The following SVOPL variants were observed in gnomAD, a reference collection of about 807,000 sequenced individuals.
SVOPL encodes SVOP like.
SVOPL carries 60 observed loss-of-function variants against 61.0 expected under a neutral mutation model. The observed-to-expected ratio is 0.98, with a 90% confidence interval of 0.80 to 1.22. SVOPL has a LOEUF of 1.22. SVOPL is among the 50% of genes most tolerant of loss of function. The pLI, the probability that SVOPL is intolerant of heterozygous loss-of-function variation, is 0.00. For synonymous variants in SVOPL, 279 were observed against 250.0 expected, an observed-to-expected ratio of 1.12 and a Z score of -1.09; for missense variants, 662 against 643.9, an observed-to-expected ratio of 1.03 and a Z score of -0.30.
chr7:138,616,642 C>T (rs924604586), intron 14 of SVOPL, among the ~76,000 whole-genome samples: 1 of 152,028 alleles, frequency 6.6e-6, no homozygotes, highest in Admixed American at 6.6e-5. Flanking sequence ...GGCCCTGAAT[C>T]TTTAAATACT....
intron 1 of SVOPL, among the ~76,000 whole-genome samples, chr7:138,699,642 T>C (rs1178616410): frequency 6.6e-6 from 1 of 152,198 alleles, no homozygotes; most frequent in Non-Finnish European, 1.5e-5. Context: ...AATTCTCCTG[T>C]GTTCTACATT....
chr7:138,632,466 G>C (rs953907858), intron 9 of SVOPL, among the ~76,000 whole-genome samples: 1 of 152,150 alleles, frequency 6.6e-6, no homozygotes, highest in South Asian at 2.1e-4. Flanking sequence ...CTGTGAAGAA[G>C]ATCACTTAAT....
chr7:138,693,344 C>A (rs1028722425), intron 1 of SVOPL, among the ~76,000 whole-genome samples: 2 of 151,696 alleles, frequency 1.3e-5, no homozygotes, highest in Admixed American at 6.6e-5. Flanking sequence ...AGAGAGACCT[C>A]TTCTGTACTA....
chr7:138,676,976 T>TCACTG (rs2117119103), intron 3 of SVOPL, among the ~76,000 whole-genome samples: 1 of 141,086 alleles, frequency 7.1e-6, no homozygotes, highest in African/African-American at 2.7e-5. Flanking sequence ...CTATCGCAGC[T>TCACTG]CACTGCAACC....
intron 9 of SVOPL, among the ~76,000 whole-genome samples, chr7:138,644,400 C>T (rs184984027): frequency 1.3e-5 from 2 of 152,074 alleles, no homozygotes; most frequent in Non-Finnish European, 1.5e-5. Flanking sequence ...ACCTTCCTAA[C>T]AAAATAAAAC....
At chr7:138,671,618 G>C (rs1802419073) in intron 4 of SVOPL, among the ~76,000 whole-genome samples, 1 of 152,194 alleles carries the variant, frequency 6.6e-6, no homozygotes, top group African/African-American at 2.4e-5. Context: ...AAAGTGCTGG[G>C]ATTACAGGCA....
intron 1 of SVOPL, among the ~76,000 whole-genome samples, chr7:138,692,199 G>C (rs296916): frequency 0.23 from 35,221 of 152,088 alleles, 4,162 homozygotes; most frequent in Middle Eastern, 0.33. Context: ...ATAGCCTTAT[G>C]AGTTTCACGT....
intron 5 of SVOPL, chr7:138,660,955 T>C (rs1368964026): frequency 1.5e-5 from 15 of 983,482 alleles, no homozygotes; most frequent in Non-Finnish European, 1.7e-5. Flanking sequence ...TATCTTGCTA[T>C]GTATTTTGTT....
intron 9 of SVOPL, 110 bp from the exon 10 acceptor site, chr7:138,630,232 C>G (rs1388210768): frequency 3.6e-6 from 3 of 843,584 alleles, no homozygotes; most frequent in Non-Finnish European, 6.0e-6. Flanking sequence ...GCATGGTGGC[C>G]TGCGATAACC....
At chr7:138,607,035 T>TC (rs1798790572) in intron 14 of SVOPL, among the ~76,000 whole-genome samples, 1 of 151,682 alleles carries the variant, frequency 6.6e-6, no homozygotes, top group Non-Finnish European at 1.5e-5. Flanking sequence ...GTTTTTTTTT[T>TC]CATTCTCCTC....
intron 6 of SVOPL, among the ~76,000 whole-genome samples, chr7:138,659,477 G>A (rs1347605816): frequency 2.0e-5 from 3 of 146,472 alleles, no homozygotes; most frequent in African/African-American, 7.7e-5. Flanking sequence ...GAGCAACAGA[G>A]CCAGACTCTA....
intron 4 of SVOPL, among the ~76,000 whole-genome samples, chr7:138,671,760 C>T (rs1263472295): frequency 2.0e-5 from 3 of 152,126 alleles, no homozygotes; most frequent in Admixed American, 6.5e-5. Flanking sequence ...TTTAGTGACC[C>T]GATTTAACCT....
In SVOPL at chr7:138,692,744, T is replaced by C. The variant is rs1802970524; in HGVS notation, c.-35+8434A>G. 1.3e-5 allele frequency among the ~76,000 whole-genome samples: 2 copies of C among 152,124 alleles called. 1 individual carries two copies. Among genetic ancestry groups the C allele is most frequent in the South Asian group, 4.1e-4 (2 of 4,830 alleles). On this transcript the variant is annotated intron_variant, in intron 1 of 15. Transcript: ENST00000674285. Reference sequence around the variant, plus strand: ...GGTCCTAGAGTGAGCAAGATTTACATGGCCATAAAAAAAGGGGCTGTTTAT... The same window carrying C: ...GGTCCTAGAGTGAGCAAGATTTACACGGCCATAAAAAAAGGGGCTGTTTAT...
intron 9 of SVOPL, among the ~76,000 whole-genome samples, chr7:138,634,523 C>G (rs1193343384): frequency 6.6e-6 from 1 of 151,576 alleles, no homozygotes; most frequent in Admixed American, 6.6e-5. Flanking sequence ...TGGTGTGCAC[C>G]TATAGTCCCA....
intron 14 of SVOPL, among the ~76,000 whole-genome samples, chr7:138,597,641 CGT>C (rs60875635): frequency 1.2e-3 from 184 of 147,338 alleles, no homozygotes; most frequent in Middle Eastern, 3.5e-3. Context: ...ATAACGTCTG[CGT>C]GTGTGTGTGT....
intron 5 of SVOPL, chr7:138,661,308 C>T: frequency 1.0e-6 from 1 of 985,436 alleles, no homozygotes; most frequent in South Asian, 4.7e-5. Flanking sequence ...GCTATACCAA[C>T]ATGAGCAAAA....
chr7:138,610,468 A>G (rs971651912), intron 14 of SVOPL, among the ~76,000 whole-genome samples: 7 of 152,224 alleles, frequency 4.6e-5, no homozygotes, highest in African/African-American at 1.7e-4. Flanking sequence ...TTATCATTAA[A>G]TGGTGAGATA....
At chr7:138,646,617 C>T (rs552644533) in intron 8 of SVOPL, among the ~76,000 whole-genome samples, 24 of 152,210 alleles carry the variant, frequency 1.6e-4, no homozygotes, top group East Asian at 7.7e-4. Context: ...CAACCAGGCC[C>T]GAGCAACCCT....
At chr7:138,622,062 CTATCTATG>C (rs1563096052) in intron 13 of SVOPL, among the ~76,000 whole-genome samples, 3 of 58,750 alleles carry the variant, frequency 5.1e-5, no homozygotes, top group Admixed American at 2.3e-4. Flanking sequence ...ATGTATCTAT[CTATCTATG>C]TATCTATCTA....
Sources: allele counts gnomAD v4.1 joint callset (sites outside exome capture counted in the v4.1 genomes callset), GRCh38; gene constraint gnomAD v4.1.1; transcripts MANE v1.5; gene names NCBI Gene and HGNC (gene_info 2026-07-23, HGNC 2026-07-21).